ENAH: variants seen among roughly 807,000 people sequenced by gnomAD.
ENAH encodes the protein protein enabled homolog.
ENAH carries 23 observed loss-of-function variants against 78.7 expected under a neutral mutation model. The observed-to-expected ratio is 0.29, with a 90% CI of 0.21 to 0.41. The LOEUF (loss-of-function observed/expected upper bound fraction) is 0.41, where lower values mean the gene tolerates loss of function less well. Among genes scored for constraint, ENAH ranks in the 10% least tolerant of loss-of-function variants. The pLI is 1.00. For missense variants in ENAH, 544 were observed against 691.0 expected (o/e 0.79, Z 2.39); for synonymous variants, 226 against 241.0 (o/e 0.94, Z 0.58).
At chr1:225,569,136 T>G (rs936695957) in intron 1 of ENAH, among the ~76,000 whole-genome samples, 5 of 152,192 alleles carry the variant, frequency 3.3e-5, no homozygotes, top group African/African-American at 1.2e-4. Flanking sequence ...TATGGAAAGA[T>G]TACATGAAAC....
chr1:225,567,281 T>G lies in ENAH; in HGVS notation c.139A>C (p.Arg47=). The change falls in exon 2 of 14, where the codon AGA becomes CGA. Residue 47 remains arginine, a synonymous_variant. Transcript: ENST00000366843. ...TCCTGAATCTTCCTGCCCACCACTCTGAATGTGTTGTTGCCTGTATGGTGA... is the reference window on the plus strand; with the variant it reads ...TCCTGAATCTTCCTGCCCACCACTCGGAATGTGTTGTTGCCTGTATGGTGA... The part of the protein sequence containing the change: ...IYHHTGNNTF[R]VVGRKIQDHQ... 2 of 1,614,084 alleles carry G rather than the reference T, an allele frequency of 1.2e-6. No individual in the cohort carries two copies. The highest frequency in any genetic ancestry group is 2.2e-5 in the East Asian group (1 of 44,882).
chr1:225,530,384 T>C (rs2096532373), intron 4 of ENAH, among the ~76,000 whole-genome samples, 170 bp downstream of exon 4: 1 of 152,168 alleles, frequency 6.6e-6, no homozygotes, highest in African/African-American at 2.4e-5. Context: ...ATGTCCAGCA[T>C]AACAAGTATC....
At chr1:225,504,007 CT>C (rs565782427) in intron 11 of ENAH, among the ~76,000 whole-genome samples, 256 of 142,554 alleles carry the variant, frequency 1.8e-3, no homozygotes, top group Middle Eastern at 3.6e-3. Context: ...TTTTATTTCA[CT>C]TTTTTTTTTT....
At chr1:225,623,555 A>G (rs1657385843) in intron 1 of ENAH, among the ~76,000 whole-genome samples, 1 of 150,498 alleles carries the variant, frequency 6.6e-6, no homozygotes, top group Non-Finnish European at 1.5e-5. Flanking sequence ...AGTTGTGAAC[A>G]TAGTACCCGA....
chr1:225,567,347 G>A lies in ENAH; in HGVS notation c.73C>T (p.Pro25Ser), dbSNP rs2096739965. Residue 25 changes from proline (P) to serine (S), a missense_variant, in exon 2 of 14, where the codon CCA (proline) becomes TCA (serine). Coordinates refer to ENST00000366843, the MANE Select transcript of ENAH (RefSeq NM_018212.6). ...VYDDANKKWV[P>S]AGGSTGFSRV... ...CTGAATCCAGTTGAGCCACCAGCTG[G>A]CACCCACTTCTTATTGGCATCATCA... The A allele has an allele frequency of 3.7e-6, 6 of 1,614,036 alleles. No homozygotes were observed. Among genetic ancestry groups the A allele is most frequent in the East Asian group, 2.2e-5 (1 of 44,878 alleles).
At chr1:225,559,195 C>G (rs948736791) in intron 2 of ENAH, among the ~76,000 whole-genome samples, 18 of 152,138 alleles carry the variant, frequency 1.2e-4, no homozygotes, top group African/African-American at 4.1e-4. Context: ...TCTTCTCGGA[C>G]TCATGGACTA....
chr1:225,646,125 A>C (rs760709184), intron 1 of ENAH, among the ~76,000 whole-genome samples: 5 of 151,562 alleles, frequency 3.3e-5, no homozygotes, highest in Non-Finnish European at 7.4e-5. Flanking sequence ...AGTTCACCTA[A>C]ATATTAAACA....
intron 3 of ENAH, among the ~76,000 whole-genome samples, chr1:225,536,000 CTTAAGA>C (rs1390152100): frequency 1.3e-5 from 2 of 151,942 alleles, no homozygotes; most frequent in Admixed American, 6.6e-5. Flanking sequence ...CTTGGAAGTG[CTTAAGA>C]TTAACTCATT....
intron 11 of ENAH, among the ~76,000 whole-genome samples, chr1:225,503,658 C>CAAAAAAAAAAAAAAAAAAAAA (rs10683254): frequency 4.8e-5 from 4 of 82,946 alleles, no homozygotes; most frequent in African/African-American, 2.0e-4. Context: ...CAAACCACCT[C>CAAAAAAAAAAAAAAAAAAAAA]AAAAAAAAAA....
chr1:225,547,243 C>T (rs1487115393), intron 3 of ENAH, among the ~76,000 whole-genome samples: 5 of 151,768 alleles, frequency 3.3e-5, no homozygotes, highest in East Asian at 1.9e-4. Flanking sequence ...AGCTTATTTT[C>T]GTATTTTTAG....
intron 1 of ENAH, among the ~76,000 whole-genome samples, chr1:225,610,967 G>A (rs2096985012): frequency 6.6e-6 from 1 of 152,074 alleles, no homozygotes; most frequent in African/African-American, 2.4e-5. Context: ...CTAACGTTAG[G>A]CCGAAAAAGG....
At position 225,649,315 on chromosome 1, in the gene ENAH, T is replaced by C. The variant is rs541992430; in HGVS notation, c.5+3371A>G. On this transcript the variant is annotated intron_variant, in intron 1 of 13. Coordinates refer to ENST00000366843, the MANE Select transcript of ENAH (RefSeq NM_018212.6). ...GACTATTTTAATACGGATCCAAGAA[T>C]GTAAATACAAAATCTTCTGAGCTCT... Among the ~76,000 whole-genome samples the C allele has an allele frequency of 1.1e-4, 16 of 151,980 alleles. No homozygotes were observed. The South Asian group carries it at 3.3e-3, about 32-fold the overall frequency.
chr1:225,511,979 G>T (rs2184778), intron 9 of ENAH, 120 bp from the exon 10 acceptor site: 6 of 576,626 alleles, frequency 1.0e-5, no homozygotes, highest in Admixed American at 6.4e-5. Flanking sequence ...CTCTTTCATC[G>T]GTCTTCTCTC....
At chr1:225,595,703 C>T (rs2096898959) in intron 1 of ENAH, among the ~76,000 whole-genome samples, 1 of 152,174 alleles carries the variant, frequency 6.6e-6, no homozygotes, top group Non-Finnish European at 1.5e-5. Context: ...CTCCAAGCAA[C>T]AGCTGTGTAA....
chr1:225,490,392 G>GGGTT lies in ENAH; in HGVS notation c.*7382_*7383insAACC, dbSNP rs2096216890. The GGGTT allele has an allele frequency of 2.0e-5, 3 of 152,160 alleles. No individual in the cohort carries two copies. Among genetic ancestry groups the GGGTT allele is most frequent in the Non-Finnish European group, 4.4e-5 (3 of 68,042 alleles). The allele number at this position is 152,160 out of a possible 1,614,324, so 9.4% of individuals were successfully genotyped here. ...GTTCAAGACCAGCCTGGGCAACATG[G>GGGTT]TGAAACCCCATCTCTACTAAAAATA... On this transcript the variant is annotated 3_prime_UTR_variant, in exon 14 of 14. Transcript: ENST00000366843.
At chr1:225,550,426 A>T (rs1311727588) in intron 3 of ENAH, among the ~76,000 whole-genome samples, 2 of 152,226 alleles carry the variant, frequency 1.3e-5, no homozygotes, top group African/African-American at 4.8e-5. Flanking sequence ...AGTTTATAAA[A>T]AATACGCTTT....
intron 4 of ENAH, among the ~76,000 whole-genome samples, chr1:225,527,535 G>T (rs2096514682): frequency 6.6e-6 from 1 of 152,160 alleles, no homozygotes; most frequent in Non-Finnish European, 1.5e-5. Context: ...AGATATTTTA[G>T]AGTTTTGTAG....
intron 3 of ENAH, chr1:225,535,665 T>A: frequency 2.0e-6 from 1 of 503,022 alleles, no homozygotes; most frequent in Non-Finnish European, 3.6e-6. Context: ...AAAATGTATT[T>A]ATACATACGT....
In ENAH at chr1:225,490,070, G is replaced by C. The variant is rs996995165; in HGVS notation, c.*7705C>G. On this transcript the variant is annotated 3_prime_UTR_variant, in exon 14 of 14. Transcript: ENST00000366843. ...AAGAACTCAACTTTAGAGGTAGAAG[G>C]CTCAGAGAGAATGACTGACTAGCCC... 2.0e-5 allele frequency: 3 copies of C among 152,056 alleles called. No homozygotes were observed. Among genetic ancestry groups the C allele is most frequent in the African/African-American group, 7.2e-5 (3 of 41,406 alleles). The allele number at this position is 152,056 out of a possible 1,614,324, so 9.4% of individuals were successfully genotyped here.
Sources: allele counts gnomAD v4.1 joint callset (sites outside exome capture counted in the v4.1 genomes callset), GRCh38; gene constraint gnomAD v4.1.1; transcripts MANE v1.5; gene names NCBI Gene and HGNC (gene_info 2026-07-23, HGNC 2026-07-21).